UTP20: variants seen among roughly 807,000 people sequenced by gnomAD.
UTP20 encodes the protein small subunit processome component 20 homolog.
UTP20 carries 164 observed loss-of-function variants against 329.5 expected under a neutral mutation model. That is an observed-to-expected ratio of 0.50 (90% CI 0.44 to 0.57). The LOEUF (loss-of-function observed/expected upper bound fraction) is 0.57, where lower values mean the gene tolerates loss of function less well. Among genes scored for constraint, UTP20 ranks in the 20% least tolerant of loss-of-function variants. UTP20 has a pLI of 0.00. For synonymous variants in UTP20, 1,151 were observed against 1,159.3 expected (o/e 0.99, Z 0.14); for missense variants, 3,055 against 3,284.2 (o/e 0.93, Z 1.71).
In UTP20 at chr12:101,373,784, G is replaced by A. The variant is rs758885532; in HGVS notation, c.7131+17G>A. ...GCAAAAAAGGTGTGCGTTGCTTTTA[G>A]TCACAGTTCAGTGACAAGTCTTAGC... On this transcript the variant is annotated intron_variant, in intron 54 of 61. Coordinates refer to ENST00000261637, the MANE Select transcript of UTP20 (RefSeq NM_014503.3). 6.8e-6 allele frequency: 11 copies of A among 1,606,588 alleles called. No individual in the cohort carries two copies. In the South Asian group the frequency reaches 9.0e-5, roughly 13 times the overall value.
chr12:101,383,188 G>A lies in UTP20; in HGVS notation c.7804G>A (p.Asp2602Asn). The change falls in exon 59 of 62, where the codon GAC becomes AAC. Residue 2602 changes from aspartate (D) to asparagine (N), a missense_variant. Transcript: ENST00000261637. ...CTGTGCAGATGAGAAGGCGGAGTCTGACGGAGAAGAGAAGGAAGAGGTGAA... is the reference window on the plus strand; with the variant it reads ...CTGTGCAGATGAGAAGGCGGAGTCTAACGGAGAAGAGAAGGAAGAGGTGAA... ...VACADEKAES[D>N]GEEKEEVKEE... The A allele has an allele frequency of 6.2e-7, 1 of 1,614,144 alleles. No homozygotes were observed. Among genetic ancestry groups the A allele is most frequent in the Non-Finnish European group, 8.5e-7 (1 of 1,180,014 alleles).
At chr12:101,379,832 T>C (rs1206102304) in intron 57 of UTP20, among the ~76,000 whole-genome samples, 1 of 152,012 alleles carries the variant, frequency 6.6e-6, no homozygotes, top group African/African-American at 2.4e-5. Context: ...TTTTTTTTTC[T>C]TTTCTGAGAT....
intron 22 of UTP20, 24 bp from the exon 23 acceptor site, chr12:101,319,521 A>G (rs1157855581): frequency 2.6e-6 from 4 of 1,549,544 alleles, no homozygotes; most frequent in Non-Finnish European, 3.5e-6. Flanking sequence ...ATTCTGTAAC[A>G]CTCTCTGTTT....
In UTP20 at chr12:101,306,742, A is replaced by G. The variant is rs756033604; in HGVS notation, c.1976A>G (p.Gln659Arg). ...AGGATCCTAAACCATTTTGATGTCC[A>G]GCTTCCAGAATCAATGGAGGTATTT... ...TIRILNHFDV[Q>R]LPESMEDDGL... Residue 659 changes from glutamine (Q) to arginine (R), a missense_variant, in exon 17 of 62, where the codon CAG becomes CGG. By Grantham distance (43) the Gln-to-Arg change is conservative. This residue lies in a region of UTP20 where 2,445 missense variants were observed against 2,575.5 expected (regional missense o/e 0.95). Coordinates refer to ENST00000261637, the MANE Select transcript of UTP20 (RefSeq NM_014503.3). The G allele has an allele frequency of 1.2e-6, 2 of 1,606,206 alleles. No homozygotes were observed. The highest frequency in any genetic ancestry group is 8.5e-7 in the Non-Finnish European group (1 of 1,175,658).
At position 101,312,191 on chromosome 12, in the gene UTP20, C is replaced by T. The variant is rs1872814690; in HGVS notation, c.2467C>T (p.Leu823=). 2.5e-6 allele frequency: 4 copies of T among 1,614,090 alleles called. No individual in the cohort carries two copies. Among genetic ancestry groups the T allele is most frequent in the Non-Finnish European group, 2.5e-6 (3 of 1,180,044 alleles). Reference sequence around the variant, plus strand: ...ACTTGACCACACCAACTTCAGATTCCTGCTCTGGAGAGCTCTGACCAAATT... The same window carrying T: ...ACTTGACCACACCAACTTCAGATTCTTGCTCTGGAGAGCTCTGACCAAATT... ...ERLDHTNFRF[L]LWRALTKFPE... The change falls in exon 21 of 62, where the codon CTG becomes TTG. Residue 823 remains leucine (L), a synonymous_variant. Transcript: ENST00000261637.
Position 101,386,253 on chromosome 12 carries a change from A to C in UTP20, c.*130A>C. 1 of 829,122 alleles carries C rather than the reference A, an allele frequency of 1.2e-6. No homozygotes were observed. The allele number at this position is 829,122 out of a possible 1,614,324, so 51.4% of individuals were successfully genotyped here. A position where few individuals can be genotyped will look rare whatever the true frequency, so the allele number is the denominator to read the frequency against. On this transcript the variant is annotated 3_prime_UTR_variant, in exon 62 of 62. Transcript: ENST00000261637. ...GAGACAAGGTCTCACTCTGTCACCCAAGGTGGAGTGCAGTGACGACATCAC... is the reference window on the plus strand; with the variant it reads ...GAGACAAGGTCTCACTCTGTCACCCCAGGTGGAGTGCAGTGACGACATCAC...
chr12:101,367,824 G>A (rs752351416), intron 47 of UTP20, 36 bp from the exon 48 acceptor site: 2 of 1,382,854 alleles, frequency 1.4e-6, no homozygotes, highest in Non-Finnish European at 2.1e-6. Context: ...GGTCTAATGG[G>A]CAACTAATGT....
At chr12:101,339,380 G>T (rs1446162243) in intron 31 of UTP20, among the ~76,000 whole-genome samples, 1 of 152,058 alleles carries the variant, frequency 6.6e-6, no homozygotes, top group South Asian at 2.1e-4. Flanking sequence ...TTGGAATCTG[G>T]CAATAAGAAG....
Position 101,386,096 on chromosome 12 carries a change from C to T in UTP20, c.8331C>T (p.Ser2777=). The change falls in exon 62 of 62, where the codon AGC becomes AGT. Residue 2777 remains serine, a synonymous_variant. Coordinates refer to ENST00000261637, the MANE Select transcript of UTP20 (RefSeq NM_014503.3). Reference sequence around the variant, plus strand: ...AGGCCAAGAGACAAAAAAGCCATAGCCTGAAAGATTTAGCAATGGTGGAGT... The same window carrying T: ...AGGCCAAGAGACAAAAAAGCCATAGTCTGAAAGATTTAGCAATGGTGGAGT... ...GYKAKRQKSH[S]LKDLAMVE is the part of the protein sequence containing the mutation. 1 of 1,606,970 alleles carries T rather than the reference C, an allele frequency of 6.2e-7. No individual in the cohort carries two copies.
At chr12:101,357,322 A>G (rs1357899352) in intron 43 of UTP20, among the ~76,000 whole-genome samples, 3 of 152,168 alleles carry the variant, frequency 2.0e-5, no homozygotes, top group East Asian at 3.8e-4. Flanking sequence ...TTTTCTCTCA[A>G]ATTACTTCAT....
chr12:101,295,731 TA>T, intron 12 of UTP20, 73 bp downstream of exon 12: 1 of 1,420,732 alleles, frequency 7.0e-7, no homozygotes, highest in Non-Finnish European at 9.3e-7. Context: ...AAGAATACTG[TA>T]AAAAAATGAT....
chr12:101,338,363 G>C, intron 30 of UTP20, 86 bp downstream of exon 30: 1 of 1,385,966 alleles, frequency 7.2e-7, no homozygotes, highest in Non-Finnish European at 1.0e-6. Context: ...AGTATAATTT[G>C]ACTCACTCGA....
At chr12:101,326,597 A>G (rs1868566309) in intron 25 of UTP20, among the ~76,000 whole-genome samples, 1 of 151,740 alleles carries the variant, frequency 6.6e-6, no homozygotes. Flanking sequence ...TTACAATTGT[A>G]TTCTCTTATT....
chr12:101,311,681 A>T, intron 19 of UTP20, 38 bp from the exon 20 acceptor site: 1 of 1,564,432 alleles, frequency 6.4e-7, no homozygotes. Context: ...AAATGGCCAT[A>T]CCACACTTTT....
At chr12:101,284,267 A>G (rs1871889898) in intron 2 of UTP20, among the ~76,000 whole-genome samples, 1 of 152,012 alleles carries the variant, frequency 6.6e-6, no homozygotes, top group Non-Finnish European at 1.5e-5. Context: ...AGTAATCCAC[A>G]GTGTTCATTG....
chr12:101,385,073 A>G (rs531362231), intron 60 of UTP20, among the ~76,000 whole-genome samples: 1 of 149,032 alleles, frequency 6.7e-6, no homozygotes, highest in Non-Finnish European at 1.5e-5. Flanking sequence ...AACTTCACAA[A>G]GGAGGCTTTT....
intron 47 of UTP20, 136 bp downstream of exon 47, chr12:101,366,835 C>A: frequency 2.1e-6 from 2 of 964,278 alleles, no homozygotes; most frequent in Non-Finnish European, 3.0e-6. Context: ...TTTTTTTTTA[C>A]AGGTGCATTG....
chr12:101,332,824 T>C (rs1868803946), intron 27 of UTP20, among the ~76,000 whole-genome samples: 1 of 144,226 alleles, frequency 6.9e-6, no homozygotes, highest in Admixed American at 7.3e-5. Flanking sequence ...CTTCTAGTCT[T>C]AAAAAAGTAA....
At chr12:101,377,698 G>C (rs1267315693) in intron 56 of UTP20, among the ~76,000 whole-genome samples, 1 of 152,100 alleles carries the variant, frequency 6.6e-6, no homozygotes, top group Non-Finnish European at 1.5e-5. Context: ...GGAAGTTTGG[G>C]TCTCAATGGA....
Sources: allele counts gnomAD v4.1 joint callset (sites outside exome capture counted in the v4.1 genomes callset), GRCh38; gene constraint gnomAD v4.1.1; regional missense constraint gnomAD v4.1.1; transcripts MANE v1.5; gene names NCBI Gene and HGNC (gene_info 2026-07-23, HGNC 2026-07-21).